Variants in PADI6 observed in about 807,000 individuals in gnomAD.
PADI6 encodes the protein inactive protein-arginine deiminase type-6.
Under a neutral mutation model 78.2 loss-of-function variants are expected in PADI6, and 66 were observed. That is an observed-to-expected ratio of 0.84 (90% CI 0.69 to 1.04). PADI6 has a LOEUF of 1.04. Among genes scored for constraint, PADI6 ranks in the 50% least tolerant of loss-of-function variants. PADI6 has a pLI of 0.00. For synonymous variants in PADI6, 397 were observed against 346.9 expected (o/e 1.14, Z -1.60); for missense variants, 854 against 866.1 (o/e 0.99, Z 0.18).
intron 8 of PADI6, among the ~76,000 whole-genome samples, chr1:17,389,420 G>T (rs1471184496): frequency 6.6e-6 from 1 of 152,156 alleles, no homozygotes; most frequent in Non-Finnish European, 1.5e-5. Flanking sequence ...TTTCAGTCTT[G>T]TTATGCTTTC....
At chr1:17,372,608 G>A (rs2100281138) in intron 1 of PADI6, among the ~76,000 whole-genome samples, 1 of 152,248 alleles carries the variant, frequency 6.6e-6, no homozygotes, top group East Asian at 1.9e-4. Context: ...TGGCCTCTCT[G>A]TTCCCCTATC....
In PADI6 at chr1:17,398,883, GC is replaced by G. The variant is rs777647180; in HGVS notation, c.1851+38del. ...ACTGCGCATCCCTGGGTGGGGGAGG[GC>G]CTGTCCAGGCAACACTGGCTGCCAC... On this transcript the variant is annotated intron_variant, in intron 15 of 15. Transcript: ENST00000619609. The G allele has an allele frequency of 1.3e-5, 21 of 1,601,630 alleles. No homozygotes were observed. The Admixed American group carries it at 3.5e-4, about 27-fold the overall frequency.
rs144547124 is a variant in PADI6 at position 17,379,111 on chromosome 1, A to ATTTTTTTTTT, written c.368-797_368-788dup. Reference sequence around the variant, plus strand: ...AGGTACCCTCCACCATGCCCAGTTAATTTTTTTTTTTTTTTTTTTTTAAGA... The same window carrying ATTTTTTTTTT: ...AGGTACCCTCCACCATGCCCAGTTAATTTTTTTTTTTTTTTTTTTTTTTTTTTTTTTAAGA... On this transcript the variant is annotated intron_variant, in intron 3 of 15. Transcript: ENST00000619609. Among the ~76,000 whole-genome samples, 33 of 100,806 alleles carry ATTTTTTTTTT rather than the reference A, an allele frequency of 3.3e-4. 2 individuals carry two copies. The highest frequency in any genetic ancestry group is 9.8e-4 in the African/African-American group (17 of 17,326). 66.1% of individuals were successfully genotyped at this position (100,806 alleles called of 152,430 possible). A position where few individuals can be genotyped will look rare whatever the true frequency, so the allele number is the denominator to read the frequency against.
intron 2 of PADI6, among the ~76,000 whole-genome samples, chr1:17,374,111 G>C (rs2074992088): frequency 6.6e-6 from 1 of 152,060 alleles, no homozygotes; most frequent in African/African-American, 2.4e-5. Context: ...CTAGGATCCT[G>C]GCCGCTGGTT....
intron 3 of PADI6, among the ~76,000 whole-genome samples, chr1:17,376,515 AT>A (rs35288737): frequency 6.7e-6 from 1 of 148,978 alleles, no homozygotes; most frequent in African/African-American, 2.5e-5. Flanking sequence ...TAGTGGGCTA[AT>A]TTTTTTTATT....
At chr1:17,395,694 C>CTG (rs1233968375) in intron 13 of PADI6, 31 bp downstream of exon 13, 30 of 1,583,414 alleles carry the variant, frequency 1.9e-5, no homozygotes, top group Non-Finnish European at 2.6e-5. Context: ...CAGAACAGAA[C>CTG]TGGGGTCTTC....
intron 7 of PADI6, 50 bp downstream of exon 7, chr1:17,388,609 G>A (rs748306023): frequency 4.6e-6 from 7 of 1,521,396 alleles, no homozygotes; most frequent in African/African-American, 1.4e-5. Context: ...TCCGGTGGGG[G>A]AAAAGCCATC....
At position 17,374,822 on chromosome 1, in the gene PADI6, G is replaced by A. The variant is rs542524056; in HGVS notation, c.295-605G>A. Among the ~76,000 whole-genome samples, 196 of 152,276 alleles carry A rather than the reference G, an allele frequency of 1.3e-3. 1 individual carries two copies. The highest frequency in any genetic ancestry group is 4.3e-3 in the African/African-American group (180 of 41,552). ...CTGTCACATGCTCTGGCCAATGGTT[G>A]GGTCTCTGGTTCATGACCAAGACCT... On this transcript the variant is annotated intron_variant, in intron 2 of 15. Coordinates refer to ENST00000619609, the MANE Select transcript of PADI6 (RefSeq NM_207421.4).
intron 15 of PADI6, among the ~76,000 whole-genome samples, chr1:17,400,518 G>GTT (rs1163218433): frequency 1.3e-5 from 2 of 151,384 alleles, no homozygotes; most frequent in East Asian, 3.9e-4. Context: ...TTTTTTGTTT[G>GTT]TTTGTTTTTG....
Position 17,398,654 on chromosome 1 carries a change from G to GCTCCCCCCCC in PADI6, c.1690-31_1690-30insTCCCCCCCCC. 3.5e-5 allele frequency: 6 copies of GCTCCCCCCCC among 173,478 alleles called. 1 individual carries two copies. The highest frequency in any genetic ancestry group is 1.0e-4 in the South Asian group (2 of 19,738). The allele number at this position is 173,478 out of a possible 1,614,324, so 10.7% of individuals were successfully genotyped here. On this transcript the variant is annotated intron_variant, in intron 14 of 15. Transcript: ENST00000619609. ...CCTGATGAGCTCTCCTTGCTCCCCC[G>GCTCCCCCCCC]CCCCCCCCCCCACCCACCCACCCAC...
At chr1:17,392,019 A>G (rs2075189830) in intron 8 of PADI6, 95 bp from the exon 9 acceptor site, 1 of 1,035,452 alleles carries the variant, frequency 9.7e-7, no homozygotes, top group Non-Finnish European at 1.4e-6. Flanking sequence ...TCTCCTGGTG[A>G]GAAGGATGTG....
intron 8 of PADI6, among the ~76,000 whole-genome samples, chr1:17,390,952 C>T (rs2248452): frequency 0.3 from 45,407 of 151,934 alleles, 7,095 homozygotes; most frequent in Middle Eastern, 0.42. Flanking sequence ...CACACCCTTC[C>T]CCCAGTAAGC....
Position 17,372,200 on chromosome 1 carries a change from G to C in PADI6, c.-46G>C, listed in dbSNP as rs371369793. ...GGAAGGGCAGGGTGAGCCCTGGGGC[G>C]TCTGAGGCTGCTGTGCTGAGTGAGG... On this transcript the variant is annotated 5_prime_UTR_variant, in exon 1 of 16. Coordinates refer to ENST00000619609, the MANE Select transcript of PADI6 (RefSeq NM_207421.4). 13 of 1,551,700 alleles carry C rather than the reference G, an allele frequency of 8.4e-6. No individual in the cohort carries two copies. The Admixed American group carries it at 1.7e-4, about 20-fold the overall frequency.
intron 4 of PADI6, 85 bp from the exon 5 acceptor site, chr1:17,380,955 GCTTGGCT>G (rs2075066725): frequency 1.9e-6 from 2 of 1,062,034 alleles, no homozygotes; most frequent in East Asian, 5.2e-5. Context: ...CTGGAGAAAG[GCTTGGCT>G]GGGCCCCTCT....
At chr1:17,395,945 C>G (rs1415380290) in intron 13 of PADI6, among the ~76,000 whole-genome samples, 2 of 152,184 alleles carry the variant, frequency 1.3e-5, no homozygotes, top group African/African-American at 4.8e-5. Flanking sequence ...CGGGTGTTAA[C>G]AATGCTAGTG....
rs2075271817 is a variant in PADI6, at chr1:17,398,677, C to CACCCACCCACCCACCT, written c.1690-3_1690-2insCCACCCACCTACCCAC. 1 of 366,286 alleles carries CACCCACCCACCCACCT rather than the reference C, an allele frequency of 2.7e-6. No individual in the cohort carries two copies. Among genetic ancestry groups the CACCCACCCACCCACCT allele is most frequent in the Non-Finnish European group, 4.6e-6 (1 of 217,248 alleles). 22.7% of individuals were successfully genotyped at this position (366,286 alleles called of 1,614,324 possible). On this transcript the variant is annotated splice_polypyrimidine_tract_variant and intron_variant, in intron 14 of 15. Coordinates refer to ENST00000619609, the MANE Select transcript of PADI6 (RefSeq NM_207421.4). ...CCGCCCCCCCCCCCACCCACCCACCCACCCACAGAAGTGCATTCACCTGAA... is the reference window on the plus strand; with the variant it reads ...CCGCCCCCCCCCCCACCCACCCACCCACCCACCCACCCACCTACCCACAGAAGTGCATTCACCTGAA...
At chr1:17,399,909 G>A (rs567329902) in intron 15 of PADI6, among the ~76,000 whole-genome samples, 2 of 151,890 alleles carry the variant, frequency 1.3e-5, no homozygotes, top group South Asian at 4.2e-4. Flanking sequence ...GGTGGTGCAT[G>A]CCTATAATCC....
At position 17,395,118 on chromosome 1, in the gene PADI6, G is replaced by T; in HGVS notation, c.1494+11G>T. 6.2e-7 allele frequency: 1 copy of T among 1,612,220 alleles called. No homozygotes were observed. Among genetic ancestry groups the T allele is most frequent in the South Asian group, 1.1e-5 (1 of 90,984 alleles). On this transcript the variant is annotated intron_variant, in intron 12 of 15. Coordinates refer to ENST00000619609, the MANE Select transcript of PADI6 (RefSeq NM_207421.4). ...AATGAGGGCAAAAAGGTCTGCTTTGGGGTCTGGAGAAGGGACATCTGACCC... is the reference window on the plus strand; with the variant it reads ...AATGAGGGCAAAAAGGTCTGCTTTGTGGTCTGGAGAAGGGACATCTGACCC...
chr1:17,376,992 C>CCT (rs781434628), intron 3 of PADI6, among the ~76,000 whole-genome samples: 5 of 152,056 alleles, frequency 3.3e-5, no homozygotes, highest in Non-Finnish European at 7.4e-5. Context: ...CTCACCTCAG[C>CCT]CTCTCCAGTA....
Sources: gnomAD v4.1 joint callset for allele counts (sites outside exome capture counted in the v4.1 genomes callset) on GRCh38, gnomAD v4.1.1 for gene constraint, MANE v1.5 for transcripts, NCBI Gene and HGNC (gene_info 2026-07-23, HGNC 2026-07-21) for gene names.